GLDN: variants seen among roughly 807,000 people sequenced by gnomAD.
GLDN encodes the protein collomin.
Under a neutral mutation model 56.5 loss-of-function variants are expected in GLDN, and 47 were observed. That is an observed-to-expected ratio of 0.83 (90% CI 0.66 to 1.06). The LOEUF is 1.06. GLDN is among the 50% of genes least tolerant of loss of function. GLDN has a pLI of 0.00. For missense variants in GLDN, 782 were observed against 714.3 expected (o/e 1.09, Z -1.08); for synonymous variants, 332 against 278.8 (o/e 1.19, Z -1.90).
intron 1 of GLDN, among the ~76,000 whole-genome samples, chr15:51,368,335 G>C (rs1041495250): frequency 1.3e-5 from 2 of 152,092 alleles, no homozygotes; most frequent in East Asian, 3.9e-4. Flanking sequence ...TGGCCACGCT[G>C]CTGGGCACAG....
chr15:51,342,110 A>G (rs1051557496), intron 1 of GLDN, 63 bp downstream of exon 1: 6 of 1,574,760 alleles, frequency 3.8e-6, no homozygotes, highest in Non-Finnish European at 5.1e-6. Flanking sequence ...GTGTGGGGCG[A>G]GGACGCCGAC....
chr15:51,383,294 C>A, intron 2 of GLDN, 142 bp from the exon 3 acceptor site: 1 of 885,336 alleles, frequency 1.1e-6, no homozygotes, highest in Non-Finnish European at 1.8e-6. Flanking sequence ...GGTCTTTTGG[C>A]CAAATATAAC....
At chr15:51,387,584 G>C (rs1334183102) in intron 4 of GLDN, among the ~76,000 whole-genome samples, 3 of 152,136 alleles carry the variant, frequency 2.0e-5, no homozygotes, top group Non-Finnish European at 4.4e-5. Context: ...TCCTCACGTG[G>C]GTACGCAACC....
chr15:51,384,129 C>T (rs1454084727), intron 4 of GLDN: 2 of 515,588 alleles, frequency 3.9e-6, no homozygotes, highest in East Asian at 3.9e-5. Context: ...AACTGACTCG[C>T]ACCCTTCTGC....
chr15:51,366,930 T>C (rs998141871), intron 1 of GLDN, among the ~76,000 whole-genome samples: 1 of 152,198 alleles, frequency 6.6e-6, no homozygotes, highest in Non-Finnish European at 1.5e-5. Flanking sequence ...AATTAATTGA[T>C]TGACATTTAA....
chr15:51,353,362 G>A (rs1486943180), intron 1 of GLDN, among the ~76,000 whole-genome samples: 3 of 152,136 alleles, frequency 2.0e-5, no homozygotes, highest in Non-Finnish European at 2.9e-5. Flanking sequence ...GAAACTCTTC[G>A]TTGCAATTCC....
At chr15:51,342,098 G>A (rs767172040) in intron 1 of GLDN, 51 bp downstream of exon 1, 1 of 1,583,218 alleles carries the variant, frequency 6.3e-7, no homozygotes, top group East Asian at 2.3e-5. Context: ...GGGCGGCTGG[G>A]GGTGTGGGGC....
the GLDN span, among the ~76,000 whole-genome samples, chr15:51,413,075 T>C: frequency 6.6e-6 from 1 of 152,252 alleles, no homozygotes; most frequent in South Asian, 2.1e-4. Context: ...TATCTGTTCT[T>C]TGTTCCCTTT....
At chr15:51,371,977 G>T (rs533132247) in intron 1 of GLDN, among the ~76,000 whole-genome samples, 2 of 152,164 alleles carry the variant, frequency 1.3e-5, no homozygotes, top group African/African-American at 4.8e-5. Context: ...GAGCCGCCGC[G>T]CCTGGCCAGG....
intron 1 of GLDN, among the ~76,000 whole-genome samples, chr15:51,344,201 A>G (rs2036937072): frequency 6.6e-6 from 1 of 152,124 alleles, no homozygotes; most frequent in Admixed American, 6.5e-5. Context: ...CCTGAATCCC[A>G]TCCCCAGAGA....
rs60404846 is a variant in GLDN, at chr15:51,353,734, A to AAAAAAAAAAAAAAAAAAAAAC, written c.363+11687_363+11688insAAAAAAAAAAAAAAAAAAAAC. ...TTGATTAAAAAAAAAAAAAAAAAAA[A>AAAAAAAAAAAAAAAAAAAAAC]CCACAGTCAATTAAAAAAAAAAAAA... On this transcript the variant is annotated intron_variant, in intron 1 of 9. Transcript: ENST00000335449. 2.8e-4 allele frequency among the ~76,000 whole-genome samples: 36 copies of AAAAAAAAAAAAAAAAAAAAAC among 128,866 alleles called. 1 individual carries two copies. The highest frequency in any genetic ancestry group is 4.7e-4 in the Non-Finnish European group (29 of 61,770). 84.5% of individuals were successfully genotyped at this position (128,866 alleles called of 152,430 possible). A position where few individuals can be genotyped will look rare whatever the true frequency, so the allele number is the denominator to read the frequency against.
rs753240580 is a variant in GLDN, at chr15:51,400,377, C to T, written c.906C>T (p.Ser302=). The change falls in exon 8 of 10, where the codon TCC becomes TCT. Residue 302 remains serine (S), a synonymous_variant. Coordinates refer to ENST00000335449, the MANE Select transcript of GLDN (RefSeq NM_181789.4). ...ASEHHSPQAE[S]MITSIGNPVQ... ...TCTTTTCTCTTCTTTTGGCAGAATCCATGATCACTTCCATTGGAAACCCAG... is the reference window on the plus strand; with the variant it reads ...TCTTTTCTCTTCTTTTGGCAGAATCTATGATCACTTCCATTGGAAACCCAG... 1.2e-6 allele frequency: 2 copies of T among 1,614,154 alleles called. No individual in the cohort carries two copies. The highest frequency in any genetic ancestry group is 1.1e-5 in the South Asian group (1 of 91,072).
At chr15:51,383,540 G>A in intron 3 of GLDN, 87 bp downstream of exon 3, 2 of 1,496,178 alleles carry the variant, frequency 1.3e-6, no homozygotes, top group Non-Finnish European at 1.9e-6. Flanking sequence ...TGCGGGGAGG[G>A]CAAGAGCCTG....
rs145904507 is a variant in GLDN at position 51,383,801 on chromosome 15, C to T, written c.450C>T (p.Gly150=). ...TTGATGCAGGACCTCCGGGAGCCGGCGGGTTGCCAGGACACAACGGATTGG... is the reference window on the plus strand; with the variant it reads ...TTGATGCAGGACCTCCGGGAGCCGGTGGGTTGCCAGGACACAACGGATTGG... The part of the protein sequence containing the change: ...PSGPPGPPGA[G]GLPGHNGLDG... Residue 150 remains glycine, a synonymous_variant, in exon 4 of 10, where the codon GGC becomes GGT. Transcript: ENST00000335449. 63 of 1,608,172 alleles carry T rather than the reference C, an allele frequency of 3.9e-5. No individual in the cohort carries two copies. The Middle Eastern group carries it at 1.3e-3, about 34-fold the overall frequency.
Position 51,394,848 on chromosome 15 carries a change from T to G in GLDN, c.555T>G (p.Ala185=). The change falls in exon 5 of 10, where the codon GCT becomes GCG. Residue 185 remains alanine (A), a synonymous_variant. Transcript: ENST00000335449. ...GKRGKMGIPG[A]AGNPGERGEK... ...TTTTTTGGTCAGGGATACCTGGAGC[T>G]GCAGGAAATCCAGGGGAAAGGGGAG... The G allele has an allele frequency of 6.2e-7, 1 of 1,613,862 alleles. No homozygotes were observed.
downstream of GLDN, among the ~76,000 whole-genome samples, chr15:51,409,773 T>C (rs1221328215): frequency 2.0e-5 from 3 of 152,214 alleles, no homozygotes; most frequent in Non-Finnish European, 4.4e-5. Context: ...CACGTGCAGC[T>C]TCAGTGCCAG....
Position 51,373,876 on chromosome 15 carries a change from T to C in GLDN, c.364-3573T>C, listed in dbSNP as rs1286126579. ...CTTAAGAGGCCCTTAATGCAAAATATGACTCCTTAATTTGACCATCTAGAT... is the reference window on the plus strand; with the variant it reads ...CTTAAGAGGCCCTTAATGCAAAATACGACTCCTTAATTTGACCATCTAGAT... On this transcript the variant is annotated intron_variant, in intron 1 of 9. Transcript: ENST00000335449. Among the ~76,000 whole-genome samples, 9 of 152,364 alleles carry C rather than the reference T, an allele frequency of 5.9e-5. 2 individuals are homozygous for C. The highest frequency in any genetic ancestry group is 4.6e-4 in the Admixed American group (7 of 15,304).
chr15:51,380,599 C>T (rs569810592), intron 2 of GLDN, among the ~76,000 whole-genome samples: 2 of 152,296 alleles, frequency 1.3e-5, no homozygotes, highest in Admixed American at 1.3e-4. Flanking sequence ...TATGTCTGCC[C>T]GGACTGCTGA....
intron 1 of GLDN, among the ~76,000 whole-genome samples, chr15:51,353,808 A>T (rs1389971812): frequency 2.0e-5 from 3 of 149,494 alleles, no homozygotes; most frequent in Non-Finnish European, 3.0e-5. Context: ...CACCACCACC[A>T]CCACCACACA....
Sources: gnomAD v4.1 joint callset for allele counts (sites outside exome capture counted in the v4.1 genomes callset) on GRCh38, gnomAD v4.1.1 for gene constraint, MANE v1.5 for transcripts, NCBI Gene and HGNC (gene_info 2026-07-23, HGNC 2026-07-21) for gene names.